Variants in CAST observed in about 807,000 individuals in gnomAD.
CAST encodes MIR583 host.
Under a neutral mutation model 119.6 loss-of-function variants are expected in CAST, and 76 were observed. The ratio of observed to expected loss-of-function variants is 0.64; its 90% confidence interval spans 0.53 to 0.77. The LOEUF (loss-of-function observed/expected upper bound fraction) is 0.77, where lower values mean the gene tolerates loss of function less well. Among genes scored for constraint, CAST ranks in the 30% least tolerant of loss-of-function variants. The pLI is 0.00. For synonymous variants in CAST, 319 were observed against 331.6 expected, an observed-to-expected ratio of 0.96 and a Z score of 0.41; for missense variants, 953 against 946.5, an observed-to-expected ratio of 1.01 and a Z score of -0.09.
At chr5:96,632,366 TTTTATATATAAAAA>T (rs1747832653) in intron 1 of CAST, among the ~76,000 whole-genome samples, 1 of 150,630 alleles carries the variant, frequency 6.6e-6, no homozygotes, top group Non-Finnish European at 1.5e-5. Flanking sequence ...GAAGCCCAAT[TTTTATATATAAAAA>T]TTTATATATA....
the CAST span, among the ~76,000 whole-genome samples, chr5:95,982,720 A>C: frequency 6.6e-6 from 1 of 152,344 alleles, no homozygotes. Flanking sequence ...TCATATCCAG[A>C]CTATGATCCC....
At chr5:96,004,031 A>G in the CAST span, among the ~76,000 whole-genome samples, 1 of 152,240 alleles carries the variant, frequency 6.6e-6, no homozygotes, top group Non-Finnish European at 1.5e-5. Flanking sequence ...GAGCAAACCA[A>G]CATTTAAATA....
chr5:96,588,799 C>T (rs1479649352), intron 1 of CAST, among the ~76,000 whole-genome samples: 1 of 152,184 alleles, frequency 6.6e-6, no homozygotes, highest in Admixed American at 6.5e-5. Context: ...TTTCTCTATG[C>T]AATCTTCAAA....
At chr5:95,997,972 T>TC in the CAST span, among the ~76,000 whole-genome samples, 1 of 147,422 alleles carries the variant, frequency 6.8e-6, no homozygotes, top group Admixed American at 6.8e-5. Flanking sequence ...GGTTTTTTTT[T>TC]TTTTTTTTTT....
intron 1 of CAST, among the ~76,000 whole-genome samples, chr5:96,613,243 A>G (rs1176447597): frequency 6.6e-6 from 1 of 152,254 alleles, no homozygotes; most frequent in Non-Finnish European, 1.5e-5. Flanking sequence ...AGTTGAGGTT[A>G]TAATTTGAAT....
the CAST span, among the ~76,000 whole-genome samples, chr5:96,139,858 A>C: frequency 6.6e-6 from 1 of 152,092 alleles, no homozygotes; most frequent in South Asian, 2.1e-4. Context: ...TTGCAGTAAA[A>C]CTTTAAGAGG....
At chr5:96,013,194 CT>C in the CAST span, among the ~76,000 whole-genome samples, 333 of 142,406 alleles carry the variant, frequency 2.3e-3, no homozygotes, top group Middle Eastern at 7.1e-3. Flanking sequence ...AAAAGGTATG[CT>C]TTTTTTTTTT....
At chr5:96,407,552 A>G in the CAST span, among the ~76,000 whole-genome samples, 5 of 152,252 alleles carry the variant, frequency 3.3e-5, no homozygotes, top group East Asian at 1.9e-4. Context: ...TATAAAAATC[A>G]TTAAAACATG....
At chr5:96,509,833 C>T in the CAST span, among the ~76,000 whole-genome samples, 1 of 152,136 alleles carries the variant, frequency 6.6e-6, no homozygotes, top group South Asian at 2.1e-4. Context: ...TGTTGTTTTT[C>T]TTTAAAATAA....
At chr5:96,342,886 G>A in the CAST span, among the ~76,000 whole-genome samples, 1 of 152,058 alleles carries the variant, frequency 6.6e-6, no homozygotes, top group Non-Finnish European at 1.5e-5. Flanking sequence ...TGCATTTTTG[G>A]TACCGCATAA....
chr5:96,613,529 G>C (rs1178944104), intron 1 of CAST, among the ~76,000 whole-genome samples: 3 of 152,158 alleles, frequency 2.0e-5, no homozygotes, highest in African/African-American at 7.2e-5. Context: ...CTAAGGTCCA[G>C]AAAGATTAAG....
chr5:96,634,123 A>G (rs1312768328), intron 1 of CAST, among the ~76,000 whole-genome samples: 1 of 152,246 alleles, frequency 6.6e-6, no homozygotes, highest in African/African-American at 2.4e-5. Context: ...TGACGACATA[A>G]CGTACTTACT....
the CAST span, among the ~76,000 whole-genome samples, chr5:96,169,965 G>A: frequency 6.6e-6 from 1 of 152,122 alleles, no homozygotes; most frequent in Admixed American, 6.5e-5. Context: ...TAGAAGCCTG[G>A]CCGTCAATAC....
the CAST span, among the ~76,000 whole-genome samples, chr5:96,154,864 C>T: frequency 6.6e-6 from 1 of 152,194 alleles, no homozygotes; most frequent in East Asian, 1.9e-4. Context: ...CAGGAGTTAT[C>T]ACTGTTAATG....
chr5:96,504,683 T>C, the CAST span, among the ~76,000 whole-genome samples: 4 of 152,206 alleles, frequency 2.6e-5, no homozygotes, highest in African/African-American at 9.7e-5. Flanking sequence ...CAAGATTTGG[T>C]AACGGTACAC....
chr5:96,407,629 C>G, the CAST span, among the ~76,000 whole-genome samples: 1 of 152,164 alleles, frequency 6.6e-6, no homozygotes, highest in East Asian at 1.9e-4. Flanking sequence ...GAGATGACAA[C>G]TAATATTTAC....
the CAST span, among the ~76,000 whole-genome samples, chr5:95,973,845 C>T: frequency 6.6e-6 from 1 of 152,148 alleles, no homozygotes; most frequent in Non-Finnish European, 1.5e-5. Context: ...TATTTCTCAA[C>T]AATTTTATCT....
the CAST span, among the ~76,000 whole-genome samples, chr5:96,473,683 A>T: frequency 6.6e-6 from 1 of 152,340 alleles, no homozygotes; most frequent in East Asian, 1.9e-4. Context: ...GCTTCTCCTT[A>T]CAGGTCACTG....
the CAST span, among the ~76,000 whole-genome samples, chr5:96,153,173 A>G: frequency 2.0e-5 from 3 of 152,208 alleles, no homozygotes; most frequent in African/African-American, 7.2e-5. Flanking sequence ...ATATTAGAGT[A>G]GAAAGAGCAT....
Sources: allele counts gnomAD v4.1 joint callset (sites outside exome capture counted in the v4.1 genomes callset), GRCh38; gene constraint gnomAD v4.1.1; transcripts MANE v1.5; gene names NCBI Gene and HGNC (gene_info 2026-07-23, HGNC 2026-07-21).